The following ABL1 variants were observed in gnomAD, a reference collection of about 807,000 sequenced individuals.
ABL1 encodes the protein tyrosine-protein kinase ABL1.
Under a neutral mutation model 94.7 loss-of-function variants are expected in ABL1, and 11 were observed. That is an observed-to-expected ratio of 0.12 (90% CI 0.07 to 0.19). ABL1 has a LOEUF of 0.19. Ranked by LOEUF, ABL1 falls within the 10% of genes least tolerant of loss-of-function variation. ABL1 has a pLI of 1.00. For missense variants in ABL1, 1,082 were observed against 1,489.4 expected, an observed-to-expected ratio of 0.73 and a Z score of 4.50; for synonymous variants, 656 against 622.4, an observed-to-expected ratio of 1.05 and a Z score of -0.80.
intron 4 of ABL1, among the ~76,000 whole-genome samples, chr9:130,869,701 A>G (rs940690200): frequency 7.2e-5 from 11 of 152,226 alleles, no homozygotes; most frequent in African/African-American, 2.7e-4. Context: ...TTACTATATA[A>G]AGAGAATTTT....
intron 10 of ABL1, among the ~76,000 whole-genome samples, chr9:130,881,556 A>G (rs1036741601): frequency 2.2e-4 from 33 of 152,190 alleles, no homozygotes; most frequent in Admixed American, 2.2e-3. Context: ...AGACTTATTC[A>G]CTACCACGAG....
chr9:130,885,037 A>G lies in ABL1; in HGVS notation c.2747A>G (p.Gln916Arg), dbSNP rs948806101. The part of the protein sequence containing the change: ...SAGKAGGKPS[Q>R]SPSQEAAGEA... ...GGGAAGGCTGGAGGAAAGCCCTCGC[A>G]GAGCCCGAGCCAGGAGGCGGCCGGG... is the stretch of plus-strand genomic sequence containing the variant. Residue 916 changes from glutamine (Q) to arginine (R), a missense_variant, in exon 11 of 11, where the codon CAG becomes CGG. Physicochemically the swap from Gln to Arg is conservative, Grantham distance 43. This residue lies in a region of ABL1 where 780 missense variants were observed against 835.8 expected (regional missense o/e 0.93). Coordinates refer to ENST00000318560, the MANE Select transcript of ABL1 (RefSeq NM_005157.6). The G allele has an allele frequency of 2.5e-6, 4 of 1,611,164 alleles. No homozygotes were observed. In the Admixed American group the frequency reaches 5.0e-5, roughly 20 times the overall value.
At chr9:130,762,027 CA>C (rs566481944) in intron 1 of ABL1, among the ~76,000 whole-genome samples, 3 of 151,878 alleles carry the variant, frequency 2.0e-5, no homozygotes, top group Non-Finnish European at 4.4e-5. Context: ...CCTGTAATCC[CA>C]GCTACTTGGG....
chr9:130,831,817 C>T (rs1223667769), upstream of ABL1, among the ~76,000 whole-genome samples: 2 of 152,094 alleles, frequency 1.3e-5, no homozygotes, highest in African/African-American at 4.8e-5. Flanking sequence ...CCATGTTGGC[C>T]AGGCTGGTCT....
chr9:130,723,646 C>T (rs1831542961), intron 1 of ABL1, among the ~76,000 whole-genome samples: 1 of 152,132 alleles, frequency 6.6e-6, no homozygotes, highest in Non-Finnish European at 1.5e-5. Context: ...TTTTACATCT[C>T]TGGTCCTCAT....
At chr9:130,808,499 C>T (rs1830161576) in intron 1 of ABL1, among the ~76,000 whole-genome samples, 2 of 152,152 alleles carry the variant, frequency 1.3e-5, no homozygotes, top group African/African-American at 2.4e-5. Context: ...CCACCTTGGC[C>T]TCCCAAAGTG....
intron 8 of ABL1, 82 bp from the exon 9 acceptor site, chr9:130,879,986 C>G (rs1831423678): frequency 7.6e-7 from 1 of 1,324,388 alleles, no homozygotes; most frequent in Non-Finnish European, 1.1e-6. Flanking sequence ...TGCTTTCATT[C>G]TAGACTTTTC....
chr9:130,796,967 G>C (rs568031347), intron 1 of ABL1, among the ~76,000 whole-genome samples: 1 of 145,098 alleles, frequency 6.9e-6, no homozygotes, highest in East Asian at 2.0e-4. Flanking sequence ...GCCAGGCACA[G>C]TGGCTCACGC....
rs34517462 is a variant in ABL1, at chr9:130,725,824, GTTTTTTT to G, written c.136+11390_136+11396del. ...CTGTTGGTGGAACTTGTGTATGGTG[GTTTTTTT>G]TTTTTTTTTTTTTTTTTTTTGAGAC... On this transcript the variant is annotated intron_variant, in intron 1 of 10. Transcript: ENST00000372348. Among the ~76,000 whole-genome samples, 274 of 75,918 alleles carry G rather than the reference GTTTTTTT, an allele frequency of 3.6e-3. 1 individual carries two copies. Among genetic ancestry groups the G allele is most frequent in the African/African-American group, 0.016 (239 of 15,228 alleles). 49.8% of individuals were successfully genotyped at this position (75,918 alleles called of 152,430 possible).
At chr9:130,840,439 C>A (rs559561613) in intron 1 of ABL1, among the ~76,000 whole-genome samples, 35 of 152,250 alleles carry the variant, frequency 2.3e-4, no homozygotes, top group African/African-American at 8.2e-4. Context: ...GTGCCACTTA[C>A]CACCTTGTAA....
rs1438941218 is a variant in ABL1, at chr9:130,748,579, C to CT, written c.136+34138dup. Among the ~76,000 whole-genome samples the CT allele has an allele frequency of 2.6e-3, 393 of 148,658 alleles. 1 individual carries two copies. The highest frequency in any genetic ancestry group is 5.8e-3 in the African/African-American group (236 of 40,900). On this transcript the variant is annotated intron_variant, in intron 1 of 10. Coordinates refer to the ABL1 transcript ENST00000372348. ...AGGCGTGAGCCACCATGCCTAGCTACTTTTTTTTTTTTTTGAGACGGAGTC... is the reference window on the plus strand; with the variant it reads ...AGGCGTGAGCCACCATGCCTAGCTACTTTTTTTTTTTTTTTGAGACGGAGTC...
chr9:130,742,615 A>C (rs1831833850), intron 1 of ABL1, among the ~76,000 whole-genome samples: 1 of 152,186 alleles, frequency 6.6e-6, no homozygotes, highest in Admixed American at 6.5e-5. Context: ...TAAATTTGGT[A>C]ATAAAGAGCC....
At chr9:130,824,877 T>C (rs1830405082) in intron 1 of ABL1, among the ~76,000 whole-genome samples, 1 of 152,142 alleles carries the variant, frequency 6.6e-6, no homozygotes, top group African/African-American at 2.4e-5. Context: ...AAAAGAGCAG[T>C]TCCGTTTAGA....
At position 130,731,857 on chromosome 9, in the gene ABL1, T is replaced by A. The variant is rs1405534471; in HGVS notation, c.136+17402T>A. 2.0e-5 allele frequency among the ~76,000 whole-genome samples: 3 copies of A among 152,066 alleles called. No homozygotes were observed. The East Asian group carries it at 5.8e-4, about 29-fold the overall frequency. Reference sequence around the variant, plus strand: ...CTATAGGTTTCTTTGATCCTAGAAATGAATAATAGAATATAAAGAATTCTT... The same window carrying A: ...CTATAGGTTTCTTTGATCCTAGAAAAGAATAATAGAATATAAAGAATTCTT... On this transcript the variant is annotated intron_variant, in intron 1 of 10. Coordinates refer to the ABL1 transcript ENST00000372348.
intron 1 of ABL1, among the ~76,000 whole-genome samples, chr9:130,723,972 T>C (rs573795299): frequency 6.6e-6 from 1 of 152,130 alleles, no homozygotes; most frequent in South Asian, 2.1e-4. Flanking sequence ...CCACCACACC[T>C]GGCCAATTTT....
rs1303207733 is a variant in ABL1, at chr9:130,813,587, A to G, written c.137-40477A>G. On this transcript the variant is annotated intron_variant, in intron 1 of 10. Transcript: ENST00000372348. ...AAAAAAAAAAAAAAAAAAAAAAAAG[A>G]AAGTATGATCTCTGGCCACAAGGAA... is the stretch of plus-strand genomic sequence containing the variant. Among the ~76,000 whole-genome samples the G allele has an allele frequency of 4.7e-5, 7 of 148,622 alleles. 1 individual carries two copies. The South Asian group carries it at 1.3e-3, about 27-fold the overall frequency.
intron 1 of ABL1, among the ~76,000 whole-genome samples, chr9:130,785,166 A>G (rs993190448): frequency 6.6e-6 from 1 of 152,186 alleles, no homozygotes; most frequent in Non-Finnish European, 1.5e-5. Context: ...CTGGAGGGAC[A>G]TGGCAAGGTC....
chr9:130,759,680 A>G (rs905667761), intron 1 of ABL1, among the ~76,000 whole-genome samples: 3 of 152,156 alleles, frequency 2.0e-5, no homozygotes, highest in African/African-American at 7.2e-5. Context: ...CCAACCTCAT[A>G]CTAGCCAGGC....
Position 130,877,639 on chromosome 9 carries a change from CT to C in ABL1, c.1271-763del, listed in dbSNP as rs754804823. 2.8e-3 allele frequency among the ~76,000 whole-genome samples: 388 copies of C among 137,998 alleles called. 4 individuals carry two copies. The highest frequency in any genetic ancestry group is 3.6e-3 in the Middle Eastern group (1 of 276). The allele number at this position is 137,998 out of a possible 152,430, so 90.5% of individuals were successfully genotyped here. ...CTGAGTCTTGTTCTGTCCTGGTCTCCTTTTTTTTTTTTTATTTTTGAGACGG... is the reference window on the plus strand; with the variant it reads ...CTGAGTCTTGTTCTGTCCTGGTCTCCTTTTTTTTTTTTATTTTTGAGACGG... On this transcript the variant is annotated intron_variant, in intron 7 of 10. Coordinates refer to ENST00000318560, the MANE Select transcript of ABL1 (RefSeq NM_005157.6).
Sources: allele counts gnomAD v4.1 joint callset (sites outside exome capture counted in the v4.1 genomes callset), GRCh38; gene constraint gnomAD v4.1.1; regional missense constraint gnomAD v4.1.1; transcripts MANE v1.5; gene names NCBI Gene and HGNC (gene_info 2026-07-23, HGNC 2026-07-21).